The following BMPER variants were observed in gnomAD, a reference collection of about 807,000 sequenced individuals.
BMPER encodes BMP-binding endothelial regulator protein.
Under a neutral mutation model 87.3 loss-of-function variants are expected in BMPER, and 45 were observed. The observed-to-expected ratio is 0.52, with a 90% CI of 0.41 to 0.66. BMPER has a LOEUF of 0.66. BMPER is among the 30% of genes least tolerant of loss of function. The probability of loss-of-function intolerance (pLI) is 0.00; values close to 1 mark genes in which losing one functional copy is unlikely to be tolerated. For missense variants in BMPER, 784 were observed against 867.5 expected (o/e 0.90, Z 1.21); for synonymous variants, 326 against 316.2 (o/e 1.03, Z -0.33).
intron 13 of BMPER, among the ~76,000 whole-genome samples, chr7:34,136,939 G>A (rs1361797928): frequency 6.6e-6 from 1 of 152,230 alleles, no homozygotes; most frequent in Non-Finnish European, 1.5e-5. Context: ...CTGGGAAGCA[G>A]AGGCACTTGC....
chr7:34,141,117 A>G (rs1234578427), intron 13 of BMPER, among the ~76,000 whole-genome samples: 2 of 152,220 alleles, frequency 1.3e-5, no homozygotes, highest in East Asian at 3.9e-4. Context: ...GAAAGTTGAA[A>G]CAACAAAGGG....
intron 1 of BMPER, 68 bp downstream of exon 1, chr7:33,905,814 GGC>G: frequency 7.0e-7 from 1 of 1,427,214 alleles, no homozygotes; most frequent in East Asian, 2.6e-5. Flanking sequence ...AGGTGGCGCT[GGC>G]TTGCCCCGGG....
intron 2 of BMPER, among the ~76,000 whole-genome samples, chr7:33,922,339 A>G (rs1784252890): frequency 6.6e-6 from 1 of 152,154 alleles, no homozygotes; most frequent in South Asian, 2.1e-4. Context: ...TTTTGTGTCT[A>G]GTTTTTCTGT....
rs78833610 is a variant in BMPER, at chr7:34,020,203, T to G, written c.577-26103T>G. Among the ~76,000 whole-genome samples the G allele has an allele frequency of 2.8e-3, 427 of 152,074 alleles. 1 individual carries two copies. The highest frequency in any genetic ancestry group is 0.01 in the Middle Eastern group (3 of 294). On this transcript the variant is annotated intron_variant, in intron 6 of 14. Transcript: ENST00000649409. ...TGTCCTGAGGGCAGACAGGAGCCACTGAAAGATTTAATCCATGAAAAAAAT... is the reference window on the plus strand; with the variant it reads ...TGTCCTGAGGGCAGACAGGAGCCACGGAAAGATTTAATCCATGAAAAAAAT...
At chr7:34,026,720 AG>A (rs1462538864) in intron 6 of BMPER, among the ~76,000 whole-genome samples, 1 of 152,112 alleles carries the variant, frequency 6.6e-6, no homozygotes, top group African/African-American at 2.4e-5. Flanking sequence ...TTAGAGAAAA[AG>A]TGCAAACTCC....
At position 34,083,160 on chromosome 7, in the gene BMPER, G is replaced by A. The variant is rs144559384; in HGVS notation, c.1409-2596G>A. 7.4e-3 allele frequency among the ~76,000 whole-genome samples: 1,132 copies of A among 152,254 alleles called. 12 individuals are homozygous for A. The highest frequency in any genetic ancestry group is 9.8e-3 in the Non-Finnish European group (665 of 68,026). On this transcript the variant is annotated intron_variant, in intron 12 of 14. Coordinates refer to ENST00000649409, the MANE Select transcript of BMPER (RefSeq NM_001365308.1). ...CCGGGGTAATTCATTTATTTACTGA[G>A]TACGTACTATGTGCTATATAACGTG...
At chr7:34,009,209 C>T (rs893424963) in intron 6 of BMPER, among the ~76,000 whole-genome samples, 4 of 151,742 alleles carry the variant, frequency 2.6e-5, no homozygotes, top group African/African-American at 9.7e-5. Flanking sequence ...CCAGCTTCAA[C>T]CCTATTTTAT....
intron 6 of BMPER, among the ~76,000 whole-genome samples, chr7:34,045,393 G>A (rs1460339454): frequency 6.6e-6 from 1 of 152,154 alleles, no homozygotes; most frequent in African/African-American, 2.4e-5. Context: ...AGGCACCTCT[G>A]GTGAGGGATA....
intron 13 of BMPER, among the ~76,000 whole-genome samples, chr7:34,107,303 T>C (rs930745172): frequency 1.1e-4 from 16 of 152,336 alleles, no homozygotes; most frequent in Middle Eastern, 3.4e-3. Context: ...AAACTATGGG[T>C]GTGGCAACTC....
chr7:33,926,245 G>C (rs1413096812), intron 2 of BMPER, among the ~76,000 whole-genome samples: 1 of 152,214 alleles, frequency 6.6e-6, no homozygotes, highest in Non-Finnish European at 1.5e-5. Context: ...AATCTGCAGT[G>C]ATTAACCTGC....
At chr7:33,918,261 C>T (rs551949316) in intron 2 of BMPER, among the ~76,000 whole-genome samples, 8 of 152,298 alleles carry the variant, frequency 5.3e-5, no homozygotes, top group South Asian at 2.1e-4. Context: ...TTTAATTCTT[C>T]GCCATGTTGA....
chr7:33,926,027 G>T (rs1449950876), intron 2 of BMPER, among the ~76,000 whole-genome samples: 1 of 152,128 alleles, frequency 6.6e-6, no homozygotes, highest in African/African-American at 2.4e-5. Flanking sequence ...AGCACTTCTT[G>T]CCCCTCATGT....
intron 2 of BMPER, among the ~76,000 whole-genome samples, chr7:33,910,856 T>G (rs1390422167): frequency 6.6e-6 from 1 of 152,198 alleles, no homozygotes. Flanking sequence ...GTGTCTTATC[T>G]CCATAAAATC....
At chr7:33,960,806 G>A (rs888010003) in intron 3 of BMPER, among the ~76,000 whole-genome samples, 4 of 152,192 alleles carry the variant, frequency 2.6e-5, no homozygotes, top group Non-Finnish European at 5.9e-5. Flanking sequence ...TATTTTTGTA[G>A]TTTGTAGGAA....
chr7:34,013,223 G>C (rs1786928195), intron 6 of BMPER, among the ~76,000 whole-genome samples: 1 of 151,504 alleles, frequency 6.6e-6, no homozygotes, highest in Non-Finnish European at 1.5e-5. Flanking sequence ...TCAGTCAGTG[G>C]CACAACTCTC....
At chr7:34,101,485 T>C (rs1789681073) in intron 13 of BMPER, among the ~76,000 whole-genome samples, 1 of 152,204 alleles carries the variant, frequency 6.6e-6, no homozygotes. Context: ...GATGCAGAAA[T>C]AAGGCAAGAA....
chr7:33,905,409 C>T (rs1783780909), upstream of BMPER: 2 of 328,352 alleles, frequency 6.1e-6, no homozygotes, highest in Non-Finnish European at 1.1e-5. Flanking sequence ...AGGACCCCTC[C>T]TCCCCGGGCG....
intron 13 of BMPER, among the ~76,000 whole-genome samples, chr7:34,137,523 T>C (rs1233925126): frequency 2.0e-5 from 3 of 152,216 alleles, no homozygotes; most frequent in East Asian, 1.9e-4. Flanking sequence ...CCAGACACAG[T>C]CCTTGTCCCC....
chr7:33,969,557 G>A (rs1785485400), intron 4 of BMPER, among the ~76,000 whole-genome samples: 1 of 152,060 alleles, frequency 6.6e-6, no homozygotes, highest in African/African-American at 2.4e-5. Flanking sequence ...CTGCCACCAC[G>A]CCCGGCTAAT....
Sources: allele counts gnomAD v4.1 joint callset (sites outside exome capture counted in the v4.1 genomes callset), GRCh38; gene constraint gnomAD v4.1.1; transcripts MANE v1.5; gene names NCBI Gene and HGNC (gene_info 2026-07-23, HGNC 2026-07-21).